DSCAML1: variants seen among roughly 807,000 people sequenced by gnomAD.
The protein encoded by DSCAML1 is DS cell adhesion molecule like 1.
In DSCAML1, 38 loss-of-function variants were observed where a neutral mutation model predicts 200.5. The ratio of observed to expected loss-of-function variants is 0.19; its 90% CI spans 0.15 to 0.25. DSCAML1 has a LOEUF of 0.25. DSCAML1 is among the 10% of genes least tolerant of loss of function. The pLI, the probability that DSCAML1 is intolerant of heterozygous loss-of-function variation, is 1.00. For synonymous variants in DSCAML1, 1,215 were observed against 1,165.0 expected, an observed-to-expected ratio of 1.04 and a Z score of -0.87; for missense variants, 2,223 against 2,858.8, an observed-to-expected ratio of 0.78 and a Z score of 5.07.
At chr11:117,788,430 G>A (rs1453119330) in intron 1 of DSCAML1, among the ~76,000 whole-genome samples, 6 of 152,280 alleles carry the variant, frequency 3.9e-5, no homozygotes, top group South Asian at 2.1e-4. Context: ...AGGTTTGAGC[G>A]ATTCTCCTGC....
intron 3 of DSCAML1, among the ~76,000 whole-genome samples, chr11:117,691,761 G>C (rs2053498548): frequency 6.6e-6 from 1 of 152,160 alleles, no homozygotes; most frequent in Middle Eastern, 3.2e-3. Flanking sequence ...GGGGCTGGGA[G>C]AGGCTTTTTC....
chr11:117,776,190 C>A (rs1222531205), intron 3 of DSCAML1, among the ~76,000 whole-genome samples: 10 of 152,158 alleles, frequency 6.6e-5, no homozygotes, highest in African/African-American at 2.4e-4. Flanking sequence ...ACAATCACGG[C>A]AGCTGTGATG....
At chr11:117,758,313 A>T (rs1215533966) in intron 3 of DSCAML1, among the ~76,000 whole-genome samples, 1 of 150,828 alleles carries the variant, frequency 6.6e-6, no homozygotes, top group African/African-American at 2.4e-5. Flanking sequence ...AAAAAAAAAA[A>T]TTCTACCGTA....
intron 1 of DSCAML1, among the ~76,000 whole-genome samples, chr11:117,783,823 C>T (rs766675776): frequency 2.0e-5 from 3 of 152,134 alleles, no homozygotes; most frequent in Non-Finnish European, 4.4e-5. Flanking sequence ...CCAACCCTTC[C>T]TCCACCCCAA....
intron 3 of DSCAML1, among the ~76,000 whole-genome samples, chr11:117,752,918 G>A (rs912938251): frequency 2.0e-5 from 3 of 152,172 alleles, no homozygotes; most frequent in Admixed American, 6.5e-5. Context: ...CAGCAAAAAC[G>A]AGTCTCTAGG....
At chr11:117,690,210 T>A (rs2053472246) in intron 3 of DSCAML1, among the ~76,000 whole-genome samples, 1 of 152,278 alleles carries the variant, frequency 6.6e-6, no homozygotes, top group Non-Finnish European at 1.5e-5. Flanking sequence ...CAACAGATTC[T>A]ACTGAGTACC....
intron 12 of DSCAML1, among the ~76,000 whole-genome samples, 175 bp from the exon 13 acceptor site, chr11:117,481,445 T>C (rs1343051006): frequency 7.1e-6 from 1 of 141,360 alleles, no homozygotes; most frequent in East Asian, 2.1e-4. Flanking sequence ...GATGGAAGTA[T>C]GGAGGGCTTC....
chr11:117,585,078 G>A (rs927982976), intron 3 of DSCAML1, among the ~76,000 whole-genome samples: 5 of 152,094 alleles, frequency 3.3e-5, no homozygotes, highest in Admixed American at 3.3e-4. Flanking sequence ...GATTATCCTT[G>A]TAAATATTAT....
At chr11:117,650,353 G>C (rs1054878841) in intron 3 of DSCAML1, among the ~76,000 whole-genome samples, 1 of 152,204 alleles carries the variant, frequency 6.6e-6, no homozygotes, top group Non-Finnish European at 1.5e-5. Flanking sequence ...GGTTTCTTCT[G>C]CATGTTGCCA....
chr11:117,582,344 A>G (rs1591291143), intron 3 of DSCAML1, among the ~76,000 whole-genome samples: 1 of 152,160 alleles, frequency 6.6e-6, no homozygotes, highest in South Asian at 2.1e-4. Flanking sequence ...TTGGATACCA[A>G]CTCAGCAACT....
chr11:117,790,371 GGATCT>G (rs946397931), intron 1 of DSCAML1, among the ~76,000 whole-genome samples: 2 of 152,192 alleles, frequency 1.3e-5, no homozygotes, highest in Non-Finnish European at 2.9e-5. Flanking sequence ...GGGCCTCAAG[GGATCT>G]GCCAAGTTTG....
chr11:117,504,808 A>G lies in DSCAML1; in HGVS notation c.2182+116T>C, dbSNP rs1418212754. 1.5e-6 allele frequency: 2 copies of G among 1,378,998 alleles called. No individual in the cohort carries two copies. Among genetic ancestry groups the G allele is most frequent in the Non-Finnish European group, 1.9e-6 (2 of 1,046,302 alleles). The allele number at this position is 1,378,998 out of a possible 1,614,324, so 85.4% of individuals were successfully genotyped here. A position where few individuals can be genotyped will look rare whatever the true frequency, so the allele number is the denominator to read the frequency against. On this transcript the variant is annotated intron_variant, in intron 10 of 32. Coordinates refer to ENST00000651296, the MANE Select transcript of DSCAML1 (RefSeq NM_020693.4). The surrounding 1 kb of genome is among the most constrained non-coding windows in gnomAD (Gnocchi z 5.0). ...TGGGGTCCACTGGGGTGCAGACCAG[A>G]GGACTCCCATCCAGGGATAGGAGTT...
At chr11:117,661,688 G>T (rs1209259648) in intron 3 of DSCAML1, among the ~76,000 whole-genome samples, 1 of 152,106 alleles carries the variant, frequency 6.6e-6, no homozygotes, top group African/African-American at 2.4e-5. Flanking sequence ...CATGACTCAG[G>T]GCACAGTCCC....
intron 3 of DSCAML1, among the ~76,000 whole-genome samples, chr11:117,563,211 C>T (rs2050697319): frequency 6.6e-6 from 1 of 152,066 alleles, no homozygotes; most frequent in Admixed American, 6.6e-5. Flanking sequence ...GTGTTTATTT[C>T]TTGCATATAG....
chr11:117,512,942 G>C (rs1592683904), intron 8 of DSCAML1, among the ~76,000 whole-genome samples: 1 of 152,130 alleles, frequency 6.6e-6, no homozygotes, highest in Non-Finnish European at 1.5e-5. Flanking sequence ...TCCCTGAATG[G>C]GGCTGAATAA....
In DSCAML1 at chr11:117,707,510, AC is replaced by A. The variant is rs1442308088; in HGVS notation, c.511+69280del. Among the ~76,000 whole-genome samples, 5 of 150,970 alleles carry A rather than the reference AC, an allele frequency of 3.3e-5. No homozygotes were observed. In the East Asian group the frequency reaches 9.7e-4, roughly 29 times the overall value. ...GCTGCTGGAGGCAGACCCCTGCTTA[AC>A]CCAAGGAAGTTTTTCTTTTTATTCT... On this transcript the variant is annotated intron_variant, in intron 3 of 32. Transcript: ENST00000651296.
chr11:117,488,284 A>G (rs905168312), intron 11 of DSCAML1, among the ~76,000 whole-genome samples: 4 of 152,192 alleles, frequency 2.6e-5, no homozygotes, highest in African/African-American at 4.8e-5. Flanking sequence ...CAGCCCCTTA[A>G]TAGGGGGAAG....
At chr11:117,778,774 C>T (rs192558585) in intron 2 of DSCAML1, among the ~76,000 whole-genome samples, 179 of 152,336 alleles carry the variant, frequency 1.2e-3, no homozygotes, top group African/African-American at 2.9e-3. Flanking sequence ...CAATCCTCCA[C>T]GCTGTGGAGG....
chr11:117,716,679 TA>T (rs1490303329), intron 3 of DSCAML1, among the ~76,000 whole-genome samples: 5 of 152,158 alleles, frequency 3.3e-5, no homozygotes, highest in Non-Finnish European at 1.5e-5. Context: ...ACCTGAGAGC[TA>T]AGAATGGCTT....
Sources: allele counts gnomAD v4.1 joint callset (sites outside exome capture counted in the v4.1 genomes callset), GRCh38; gene constraint gnomAD v4.1.1; non-coding constraint Gnocchi (gnomAD v3.1); transcripts MANE v1.5; gene names NCBI Gene and HGNC (gene_info 2026-07-23, HGNC 2026-07-21).